Variants in ABI1 observed in about 807,000 individuals in gnomAD.
ABI1 encodes the protein abl interactor 1, also known as Abelson interactor 1.
Under a neutral mutation model 54.6 loss-of-function variants are expected in ABI1, and 14 were observed. That is an observed-to-expected ratio of 0.26 (90% confidence interval 0.17 to 0.40). ABI1 has a LOEUF of 0.40. Among genes scored for constraint, ABI1 ranks in the 10% least tolerant of loss-of-function variants. The pLI, the probability that ABI1 is intolerant of heterozygous loss-of-function variation, is 1.00. For synonymous variants in ABI1, 194 were observed against 209.3 expected (o/e 0.93, Z 0.63); for missense variants, 443 against 598.3 (o/e 0.74, Z 2.71).
Position 26,834,155 on chromosome 10 carries a change from G to A in ABI1, c.118-10850C>T, listed in dbSNP as rs542894232. On this transcript the variant is annotated intron_variant, in intron 1 of 10. Coordinates refer to ENST00000376140, the MANE Select transcript of ABI1 (RefSeq NM_001012750.3). ...TGAGGCAGGAGAATCGCTTGAACCC[G>A]GAAGGTGGAGGTTGCAGTGAGCTGA... Among the ~76,000 whole-genome samples, 66 of 152,148 alleles carry A rather than the reference G, an allele frequency of 4.3e-4. No individual in the cohort carries two copies. In the East Asian group the frequency reaches 8.3e-3, roughly 19 times the overall value.
At chr10:26,749,758 C>T (rs779361596) in intron 10 of ABI1, among the ~76,000 whole-genome samples, 5 of 152,176 alleles carry the variant, frequency 3.3e-5, no homozygotes, top group Non-Finnish European at 5.9e-5. Flanking sequence ...ATCCAAACCA[C>T]GCAATTTTTG....
At chr10:26,853,041 T>C (rs921642420) in intron 1 of ABI1, among the ~76,000 whole-genome samples, 2 of 152,136 alleles carry the variant, frequency 1.3e-5, no homozygotes, top group African/African-American at 4.8e-5. Flanking sequence ...TTAAAAGTAC[T>C]TATTTGGATT....
At chr10:26,822,187 T>C (rs981357399) in intron 2 of ABI1, among the ~76,000 whole-genome samples, 5 of 152,074 alleles carry the variant, frequency 3.3e-5, no homozygotes, top group Non-Finnish European at 7.4e-5. Context: ...TACACACACA[T>C]ATATATGATC....
chr10:26,832,457 G>A (rs941868463), intron 1 of ABI1, among the ~76,000 whole-genome samples: 5 of 151,876 alleles, frequency 3.3e-5, no homozygotes, highest in Non-Finnish European at 2.9e-5. Context: ...GGTGGCGGGC[G>A]CCTGTAGTCC....
chr10:26,813,815 T>C (rs2047389834), intron 2 of ABI1, among the ~76,000 whole-genome samples: 1 of 152,202 alleles, frequency 6.6e-6, no homozygotes, highest in South Asian at 2.1e-4. Context: ...CATTAAAATG[T>C]TATTTGTACT....
Position 26,759,166 on chromosome 10 carries a change from G to C in ABI1, c.893C>G (p.Thr298Ser). The C allele has an allele frequency of 6.2e-7, 1 of 1,614,116 alleles. No individual in the cohort carries two copies. The highest frequency in any genetic ancestry group is 8.5e-7 in the Non-Finnish European group (1 of 1,179,976). Residue 298 changes from threonine (T) to serine (S), a missense_variant, in exon 8 of 11, where the codon ACT becomes AGT. This residue lies in a region of ABI1 where 394 missense variants were observed against 484.8 expected (regional missense o/e 0.81). Transcript: ENST00000376140. ...TRQISRHNST[T>S]SSTSSGGYRR... ...GTATCCACCAGAAGATGTCGAAGAA[G>C]TAGTAGAGTTGTGTCGAGATATCTG...
intron 2 of ABI1, among the ~76,000 whole-genome samples, chr10:26,804,970 G>A (rs536258983): frequency 6.6e-6 from 1 of 152,294 alleles, no homozygotes; most frequent in African/African-American, 2.4e-5. Flanking sequence ...TAAGTTAGAA[G>A]GTATAAAACA....
At chr10:26,811,871 T>G (rs1251010010) in intron 2 of ABI1, among the ~76,000 whole-genome samples, 1 of 151,870 alleles carries the variant, frequency 6.6e-6, no homozygotes, top group African/African-American at 2.4e-5. Flanking sequence ...TAGCAGAAAT[T>G]TATCCTCTTA....
intron 2 of ABI1, among the ~76,000 whole-genome samples, chr10:26,791,840 T>C (rs1233893375): frequency 6.6e-6 from 1 of 152,194 alleles, no homozygotes; most frequent in Non-Finnish European, 1.5e-5. Context: ...AGGAAAAAAC[T>C]AATTCCAGAT....
intron 2 of ABI1, among the ~76,000 whole-genome samples, chr10:26,815,475 A>C (rs886851548): frequency 6.6e-6 from 1 of 152,254 alleles, no homozygotes; most frequent in Non-Finnish European, 1.5e-5. Flanking sequence ...ATTCATAATT[A>C]AATAAAGAAG....
chr10:26,768,748 C>T (rs994634439), intron 6 of ABI1, 104 bp downstream of exon 6: 9 of 829,262 alleles, frequency 1.1e-5, no homozygotes, highest in Non-Finnish European at 1.6e-5. Flanking sequence ...TTTATATTAG[C>T]ATTAGAGTGG....
intron 1 of ABI1, among the ~76,000 whole-genome samples, chr10:26,838,270 C>A (rs1388057583): frequency 6.6e-6 from 1 of 152,120 alleles, no homozygotes; most frequent in Non-Finnish European, 1.5e-5. Flanking sequence ...GATCCACCCA[C>A]CTCAGCCTCC....
chr10:26,770,342 C>T lies in ABI1; in HGVS notation c.481G>A (p.Gly161Arg). The T allele has an allele frequency of 6.2e-7, 1 of 1,613,520 alleles. No homozygotes were observed. The highest frequency in any genetic ancestry group is 8.5e-7 in the Non-Finnish European group (1 of 1,179,498). ...CCAGTTCTTGCAGGCTGGTTATTTC[C>T]ATGCTAAAATGTAGAAAGAAATGCT... is the stretch of plus-strand genomic sequence containing the variant. ...HGVKWLKAKH[G>R]NNQPARTGTL... The change falls in exon 5 of 11, where the codon GGA (glycine) becomes AGA (arginine). Residue 161 changes from glycine (G) to arginine (R), a missense_variant. Physicochemically the swap from Gly to Arg is moderately radical, Grantham distance 125. Around this residue, in one of 2 missense-constraint regions of ABI1, gnomAD observed 394 missense variants for 484.8 expected, o/e 0.81. Transcript: ENST00000376140.
Position 26,770,344 on chromosome 10 carries a change from T to C in ABI1, c.479A>G (p.His160Arg). ...AGTTCTTGCAGGCTGGTTATTTCCATGCTAAAATGTAGAAAGAAATGCTTT... is the reference window on the plus strand; with the variant it reads ...AGTTCTTGCAGGCTGGTTATTTCCACGCTAAAATGTAGAAAGAAATGCTTT... ...GHGVKWLKAK[H>R]GNNQPARTGT... is the part of the protein sequence containing the mutation. Residue 160 changes from histidine (H) to arginine (R), a missense_variant and splice_region_variant, in exon 5 of 11, where the codon CAT (histidine) becomes CGT (arginine). By Grantham distance (29) the His-to-Arg change is conservative. Coordinates refer to ENST00000376140, the MANE Select transcript of ABI1 (RefSeq NM_001012750.3). The C allele has an allele frequency of 6.2e-7, 1 of 1,613,268 alleles. No homozygotes were observed. The highest frequency in any genetic ancestry group is 8.5e-7 in the Non-Finnish European group (1 of 1,179,240).
chr10:26,846,884 C>T (rs1266308368), intron 1 of ABI1, among the ~76,000 whole-genome samples: 1 of 152,138 alleles, frequency 6.6e-6, no homozygotes, highest in Non-Finnish European at 1.5e-5. Context: ...CATATATTCA[C>T]CCTTCAGATC....
rs1240196074 is a variant in ABI1 at position 26,765,202 on chromosome 10, T to A, written c.820+16A>T. The A allele has an allele frequency of 6.4e-7, 1 of 1,554,456 alleles. No homozygotes were observed. The highest frequency in any genetic ancestry group is 1.9e-5 in the Admixed American group (1 of 53,852). On this transcript the variant is annotated intron_variant, in intron 7 of 10. Transcript: ENST00000376140. ...AATATTATCATGTATTAAACATAGA[T>A]TAATAAATAACACACCTGGTCCAAT...
At chr10:26,754,637 T>C (rs1177173446) in intron 9 of ABI1, among the ~76,000 whole-genome samples, 1 of 152,110 alleles carries the variant, frequency 6.6e-6, no homozygotes, top group African/African-American at 2.4e-5. Context: ...AGCTGAAGAA[T>C]GGAATTTGCC....
chr10:26,776,969 G>T, intron 3 of ABI1, 96 bp downstream of exon 3: 1 of 1,135,652 alleles, frequency 8.8e-7, no homozygotes, highest in Non-Finnish European at 1.2e-6. Context: ...AGCTGCTAAA[G>T]AGAATCTATT....
intron 1 of ABI1, among the ~76,000 whole-genome samples, chr10:26,837,524 T>C (rs2049169574): frequency 6.6e-6 from 1 of 152,206 alleles, no homozygotes; most frequent in African/African-American, 2.4e-5. Context: ...AATCTTTAAC[T>C]TCAAACATTA....
Sources: allele counts gnomAD v4.1 joint callset (sites outside exome capture counted in the v4.1 genomes callset), GRCh38; gene constraint gnomAD v4.1.1; regional missense constraint gnomAD v4.1.1; transcripts MANE v1.5; gene names NCBI Gene and HGNC (gene_info 2026-07-23, HGNC 2026-07-21).